PCDH9: variants seen among roughly 807,000 people sequenced by gnomAD.
PCDH9 encodes the protein protocadherin 9.
PCDH9 carries 24 observed loss-of-function variants against 70.6 expected under a neutral mutation model. That is an observed-to-expected ratio of 0.34 (90% CI 0.25 to 0.48). The LOEUF (loss-of-function observed/expected upper bound fraction) is 0.48. Among genes scored for constraint, PCDH9 ranks in the 20% least tolerant of loss-of-function variants. The pLI is 0.99. For synonymous variants in PCDH9, 562 were observed against 558.5 expected (o/e 1.01, Z -0.09); for missense variants, 1,281 against 1,503.6 (o/e 0.85, Z 2.45).
chr13:66,831,358 C>T (rs748763828), intron 3 of PCDH9, among the ~76,000 whole-genome samples: 43 of 152,118 alleles, frequency 2.8e-4, no homozygotes, highest in Non-Finnish European at 4.1e-4. Context: ...CCAATCTTTC[C>T]TAGAAATTAA....
intron 4 of PCDH9, among the ~76,000 whole-genome samples, chr13:66,603,306 G>A (rs746440830): frequency 3.3e-5 from 5 of 151,864 alleles, no homozygotes; most frequent in Non-Finnish European, 5.9e-5. Flanking sequence ...AAAGAATGTG[G>A]CTACAATAAC....
chr13:66,461,692 T>C (rs1958428583), intron 4 of PCDH9, among the ~76,000 whole-genome samples: 3 of 151,884 alleles, frequency 2.0e-5, no homozygotes, highest in African/African-American at 7.2e-5. Flanking sequence ...ATAGTCCTTT[T>C]GTTTTTCTGA....
At chr13:66,546,757 T>C (rs1961222107) in intron 4 of PCDH9, among the ~76,000 whole-genome samples, 1 of 152,208 alleles carries the variant, frequency 6.6e-6, no homozygotes, top group Admixed American at 6.5e-5. Context: ...GCAAGCTTCA[T>C]TTGTGGTGAG....
At chr13:67,125,282 A>G (rs1036645397) in intron 2 of PCDH9, among the ~76,000 whole-genome samples, 1 of 152,168 alleles carries the variant, frequency 6.6e-6, no homozygotes, top group Non-Finnish European at 1.5e-5. Flanking sequence ...CTGTTGTGAC[A>G]TGGCAGCCTG....
At chr13:66,822,557 T>C (rs980379132) in intron 3 of PCDH9, among the ~76,000 whole-genome samples, 4 of 150,458 alleles carry the variant, frequency 2.7e-5, no homozygotes, top group African/African-American at 7.3e-5. Flanking sequence ...GAGGGAGTCT[T>C]GCTCTGTCAC....
At chr13:66,496,690 C>A (rs1959123148) in intron 4 of PCDH9, among the ~76,000 whole-genome samples, 1 of 152,104 alleles carries the variant, frequency 6.6e-6, no homozygotes, top group Admixed American at 6.5e-5. Context: ...TCAATAATTC[C>A]TCAGTCAGTT....
At chr13:67,222,519 T>C (rs2089753011) in intron 2 of PCDH9, 1 of 152,108 alleles carries the variant, frequency 6.6e-6, no homozygotes, top group Non-Finnish European at 1.5e-5. Flanking sequence ...AAATTCATGA[T>C]GAAAACATCA....
chr13:66,597,841 G>C (rs1371689860), intron 4 of PCDH9, among the ~76,000 whole-genome samples: 1 of 151,520 alleles, frequency 6.6e-6, no homozygotes, highest in African/African-American at 2.4e-5. Context: ...TCTGATAAGA[G>C]ATTGAAATCC....
At chr13:66,575,150 G>A (rs1466715851) in intron 4 of PCDH9, among the ~76,000 whole-genome samples, 1 of 151,922 alleles carries the variant, frequency 6.6e-6, no homozygotes, top group African/African-American at 2.4e-5. Flanking sequence ...TCCAGCCAGG[G>A]TGACAAGAAT....
At chr13:66,972,579 T>A (rs1378235474) in intron 2 of PCDH9, among the ~76,000 whole-genome samples, 1 of 152,002 alleles carries the variant, frequency 6.6e-6, no homozygotes, top group African/African-American at 2.4e-5. Context: ...TGTGATTTTT[T>A]AAATTCATAT....
At chr13:66,891,458 A>G (rs1290179110) in intron 3 of PCDH9, among the ~76,000 whole-genome samples, 1 of 152,108 alleles carries the variant, frequency 6.6e-6, no homozygotes, top group East Asian at 1.9e-4. Context: ...GAAAAAATGC[A>G]TGCCTACAAA....
chr13:66,525,201 A>T (rs79706210), intron 4 of PCDH9, among the ~76,000 whole-genome samples: 46 of 152,148 alleles, frequency 3.0e-4, no homozygotes, highest in Non-Finnish European at 5.7e-4. Context: ...TTAACCCCTG[A>T]TCTCCAACAG....
At chr13:66,929,316 A>G (rs2082768134) in intron 2 of PCDH9, among the ~76,000 whole-genome samples, 1 of 151,128 alleles carries the variant, frequency 6.6e-6, no homozygotes. Context: ...TTTAATTATT[A>G]ATTTTTAATT....
At chr13:66,582,403 C>A (rs560776551) in intron 4 of PCDH9, among the ~76,000 whole-genome samples, 1 of 152,190 alleles carries the variant, frequency 6.6e-6, no homozygotes, top group African/African-American at 2.4e-5. Context: ...GAGGTCAAGG[C>A]AGGAGGACCA....
intron 2 of PCDH9, among the ~76,000 whole-genome samples, chr13:67,185,877 CAT>C (rs2088744243): frequency 6.6e-6 from 1 of 152,108 alleles, no homozygotes; most frequent in East Asian, 1.9e-4. Flanking sequence ...GGATTACAGG[CAT>C]GAGCCACCAC....
At chr13:66,836,928 G>A (rs894813203) in intron 3 of PCDH9, among the ~76,000 whole-genome samples, 30 of 152,058 alleles carry the variant, frequency 2.0e-4, no homozygotes, top group African/African-American at 6.3e-4. Context: ...GAATAACAGC[G>A]CTCGAGTACA....
chr13:66,647,339 C>A (rs1258190132), intron 3 of PCDH9, among the ~76,000 whole-genome samples: 3 of 152,102 alleles, frequency 2.0e-5, no homozygotes, highest in African/African-American at 7.2e-5. Context: ...CTTTGTCTTG[C>A]AACTTGCTTA....
chr13:66,622,687 C>T (rs868501577), intron 4 of PCDH9, among the ~76,000 whole-genome samples: 10 of 152,142 alleles, frequency 6.6e-5, no homozygotes, highest in South Asian at 4.2e-4. Flanking sequence ...CACCAATCAG[C>T]GCCCTGTCAA....
chr13:66,845,649 G>GC (rs1341964099), intron 3 of PCDH9, among the ~76,000 whole-genome samples: 3 of 152,172 alleles, frequency 2.0e-5, no homozygotes, highest in Non-Finnish European at 4.4e-5. Flanking sequence ...GGAGGGCAGT[G>GC]CTCCTGCTTG....
Sources: gnomAD v4.1 joint callset for allele counts (sites outside exome capture counted in the v4.1 genomes callset) on GRCh38, gnomAD v4.1.1 for gene constraint, MANE v1.5 for transcripts, NCBI Gene and HGNC (gene_info 2026-07-23, HGNC 2026-07-21) for gene names.